The following HIVEP3 variants were observed in gnomAD, a reference collection of about 807,000 sequenced individuals.
HIVEP3 encodes HIVEP zinc finger 3.
A neutral mutation model predicts 152.8 loss-of-function variants in HIVEP3; 49 were observed. The observed-to-expected ratio is 0.32, with a 90% confidence interval of 0.26 to 0.41. HIVEP3 has a LOEUF of 0.41. HIVEP3 is among the 10% of genes least tolerant of loss of function. The pLI is 1.00. For synonymous variants in HIVEP3, 1,269 were observed against 1,289.0 expected (o/e 0.98, Z 0.33); for missense variants, 2,790 against 3,103.3 (o/e 0.90, Z 2.40).
chr1:41,743,947 C>G (rs1037774994), intron 1 of HIVEP3, among the ~76,000 whole-genome samples: 1 of 152,114 alleles, frequency 6.6e-6, no homozygotes. Context: ...GATTTCTACC[C>G]GTGTCAAAAA....
At chr1:41,665,707 TACACACACACACAC>T (rs10530354) in intron 2 of HIVEP3, among the ~76,000 whole-genome samples, 4 of 127,932 alleles carry the variant, frequency 3.1e-5, no homozygotes, top group South Asian at 2.8e-4. Context: ...GGAAATGTTA[TACACACACACACAC>T]ACACACACAC....
intron 2 of HIVEP3, among the ~76,000 whole-genome samples, chr1:41,682,959 G>A (rs993347943): frequency 3.3e-5 from 5 of 152,208 alleles, no homozygotes; most frequent in African/African-American, 1.2e-4. Context: ...GGGAGGTCAG[G>A]GGAGACACCA....
intron 1 of HIVEP3, among the ~76,000 whole-genome samples, chr1:41,975,892 C>A (rs1158246258): frequency 6.6e-6 from 1 of 152,106 alleles, no homozygotes; most frequent in East Asian, 1.9e-4. Flanking sequence ...GTGGGTGAAC[C>A]AGCACAGCAT....
intron 5 of HIVEP3, among the ~76,000 whole-genome samples, chr1:41,526,465 C>T (rs906387019): frequency 3.5e-5 from 5 of 140,998 alleles, no homozygotes; most frequent in African/African-American, 8.0e-5. Flanking sequence ...TGCTCACACC[C>T]CCACACTCAC....
intron 1 of HIVEP3, among the ~76,000 whole-genome samples, chr1:41,932,990 T>C (rs74067949): frequency 0.052 from 7,961 of 151,954 alleles, 645 homozygotes; most frequent in African/African-American, 0.17. Flanking sequence ...TCCACTTATA[T>C]TTCTATTATT....
intron 1 of HIVEP3, among the ~76,000 whole-genome samples, chr1:41,823,903 A>C (rs1286201561): frequency 6.6e-6 from 1 of 152,212 alleles, no homozygotes; most frequent in East Asian, 1.9e-4. Flanking sequence ...CTGAAACCAA[A>C]TATTTTAAAA....
chr1:41,867,467 C>T (rs920158181), intron 1 of HIVEP3, among the ~76,000 whole-genome samples: 1 of 152,178 alleles, frequency 6.6e-6, no homozygotes, highest in Non-Finnish European at 1.5e-5. Flanking sequence ...GATGCTGAGG[C>T]CTCACCAAGC....
chr1:41,510,377 T>C lies in HIVEP3; in HGVS notation c.*74A>G, dbSNP rs1283629366. 2.3e-6 allele frequency: 3 copies of C among 1,286,270 alleles called. No homozygotes were observed. The highest frequency in any genetic ancestry group is 2.3e-4 in the Middle Eastern group (1 of 4,430). The allele number at this position is 1,286,270 out of a possible 1,614,324, so 79.7% of individuals were successfully genotyped here. On this transcript the variant is annotated 3_prime_UTR_variant, in exon 9 of 9. Transcript: ENST00000372583. ...GACAGATGGGGCTGAGGAAGTGGGATGATTCGAGGAAAGTGGCTGGAAACG... is the reference window on the plus strand; with the variant it reads ...GACAGATGGGGCTGAGGAAGTGGGACGATTCGAGGAAAGTGGCTGGAAACG...
intron 3 of HIVEP3, among the ~76,000 whole-genome samples, chr1:41,612,365 G>C (rs1378161308): frequency 6.6e-6 from 1 of 152,126 alleles, no homozygotes; most frequent in Non-Finnish European, 1.5e-5. Context: ...CTCACCAAAG[G>C]CCCCTGTAGC....
rs1294281971 is a variant in HIVEP3 at position 41,884,093 on chromosome 1, G to A, written c.-801+34320C>T. Among the ~76,000 whole-genome samples the A allele has an allele frequency of 2.0e-5, 3 of 152,222 alleles. No homozygotes were observed. In the East Asian group the frequency reaches 5.8e-4, roughly 29 times the overall value. On this transcript the variant is annotated intron_variant, in intron 1 of 8. Coordinates refer to ENST00000372583, the MANE Select transcript of HIVEP3 (RefSeq NM_024503.5). ...TGATTCTCGTGCCTCAGCCTCCCTG[G>A]TAGCTGGGATTACAGGAGCACACCA...
chr1:41,596,933 C>T (rs1644673341), intron 3 of HIVEP3, among the ~76,000 whole-genome samples: 1 of 152,210 alleles, frequency 6.6e-6, no homozygotes, highest in Non-Finnish European at 1.5e-5. Context: ...GCAAGTCACT[C>T]TGCATGACCA....
intron 5 of HIVEP3, among the ~76,000 whole-genome samples, chr1:41,551,148 C>T (rs189731880): frequency 1.3e-5 from 2 of 152,180 alleles, no homozygotes; most frequent in East Asian, 3.9e-4. Flanking sequence ...TGGTTTTTGT[C>T]GATGGTTCTG....
At chr1:41,618,740 C>G (rs113620420) in intron 3 of HIVEP3, among the ~76,000 whole-genome samples, 4,247 of 152,312 alleles carry the variant, frequency 0.028, 78 homozygotes, top group Middle Eastern at 0.054. Context: ...ATCTATCCAC[C>G]TGGCCCATTT....
chr1:41,959,712 G>A (rs1645159160), intron 1 of HIVEP3, among the ~76,000 whole-genome samples: 1 of 152,202 alleles, frequency 6.6e-6, no homozygotes, highest in Non-Finnish European at 1.5e-5. Context: ...CAAAGCAGGA[G>A]TGACCCCACT....
At chr1:41,930,975 C>T (rs1221358017) in intron 1 of HIVEP3, among the ~76,000 whole-genome samples, 4 of 151,564 alleles carry the variant, frequency 2.6e-5, no homozygotes, top group African/African-American at 9.7e-5. Context: ...GAGTTGTTTA[C>T]TTTCTTGCTG....
At chr1:41,794,520 T>G (rs969792953) in intron 1 of HIVEP3, among the ~76,000 whole-genome samples, 1 of 152,222 alleles carries the variant, frequency 6.6e-6, no homozygotes, top group South Asian at 2.1e-4. Flanking sequence ...CTTTGGATAT[T>G]TGAAGCAATT....
intron 1 of HIVEP3, among the ~76,000 whole-genome samples, chr1:41,999,097 T>C (rs1009760419): frequency 1.3e-5 from 2 of 151,894 alleles, no homozygotes; most frequent in Non-Finnish European, 2.9e-5. Flanking sequence ...GGTTTCACCA[T>C]GTTGGCCAGG....
At chr1:41,677,900 A>T (rs1335501841) in intron 2 of HIVEP3, among the ~76,000 whole-genome samples, 1 of 152,132 alleles carries the variant, frequency 6.6e-6, no homozygotes, top group Non-Finnish European at 1.5e-5. Flanking sequence ...TCCCCTGCAC[A>T]GTGTTGAAAA....
At chr1:41,755,894 C>T (rs771612838) in intron 1 of HIVEP3, among the ~76,000 whole-genome samples, 1 of 152,144 alleles carries the variant, frequency 6.6e-6, no homozygotes, top group Non-Finnish European at 1.5e-5. Flanking sequence ...AATGATATAG[C>T]TACACTGAAA....
Sources: allele counts gnomAD v4.1 joint callset (sites outside exome capture counted in the v4.1 genomes callset), GRCh38; gene constraint gnomAD v4.1.1; transcripts MANE v1.5; gene names NCBI Gene and HGNC (gene_info 2026-07-23, HGNC 2026-07-21).